TIAM1: variants seen among roughly 807,000 people sequenced by gnomAD.
TIAM1 encodes TIAM Rac1 associated GEF 1.
A neutral mutation model predicts 163.5 loss-of-function variants in TIAM1; 65 were observed. The observed-to-expected ratio is 0.40, with a 90% CI of 0.33 to 0.49. TIAM1 has a LOEUF of 0.49. Among genes scored for constraint, TIAM1 ranks in the 20% least tolerant of loss-of-function variants. The pLI, the probability that TIAM1 is intolerant of heterozygous loss-of-function variation, is 0.77. For missense variants in TIAM1, 1,789 were observed against 2,044.7 expected (o/e 0.87, Z 2.41); for synonymous variants, 833 against 810.1 (o/e 1.03, Z -0.48).
At chr21:31,425,250 A>C (rs982680296) in intron 2 of TIAM1, among the ~76,000 whole-genome samples, 1 of 152,130 alleles carries the variant, frequency 6.6e-6, no homozygotes, top group African/African-American at 2.4e-5. Context: ...CTGCTTGCTC[A>C]GACTTCACAA....
intron 2 of TIAM1, chr21:31,452,918 TG>T: frequency 1.9e-6 from 1 of 514,568 alleles, no homozygotes. Flanking sequence ...GCCTAGATAT[TG>T]GGAGAAACAA....
In TIAM1 at chr21:31,274,544, G is replaced by A. The variant is rs569457025; in HGVS notation, c.-12+2188C>T. 5.3e-5 allele frequency among the ~76,000 whole-genome samples: 8 copies of A among 152,218 alleles called. No homozygotes were observed. The South Asian group carries it at 6.2e-4, about 12-fold the overall frequency. ...GTCTAATGCCCTCAATTACACCAGC[G>A]GTTCCAGTGGTGCTCCTAGCAGACA... On this transcript the variant is annotated intron_variant, in intron 3 of 27. Coordinates refer to ENST00000541036, the MANE Select transcript of TIAM1 (RefSeq NM_001353694.2).
At chr21:31,134,753 C>T (rs374655308) in intron 23 of TIAM1, among the ~76,000 whole-genome samples, 1 of 152,132 alleles carries the variant, frequency 6.6e-6, no homozygotes, top group African/African-American at 2.4e-5. Flanking sequence ...TCAAGTGATC[C>T]GTCCACCTTG....
At chr21:31,493,839 CAGTGGGTAGAGCGT>C (rs1490672067) in intron 1 of TIAM1, among the ~76,000 whole-genome samples, 3 of 152,128 alleles carry the variant, frequency 2.0e-5, no homozygotes, top group Non-Finnish European at 4.4e-5. Flanking sequence ...GCTGGCAGCA[CAGTGGGTAGAGCGT>C]AGACAGCTCC....
At chr21:31,522,171 G>A (rs562807462) in intron 1 of TIAM1, among the ~76,000 whole-genome samples, 45 of 151,378 alleles carry the variant, frequency 3.0e-4, no homozygotes, top group Non-Finnish European at 5.7e-4. Flanking sequence ...ACGCCCGGCC[G>A]GCTCTTAATA....
In TIAM1 at chr21:31,155,597, C is replaced by T. The variant is rs550039815; in HGVS notation, c.2992-1171G>A. Among the ~76,000 whole-genome samples the T allele has an allele frequency of 2.2e-4, 33 of 152,222 alleles. No individual in the cohort carries two copies. The East Asian group carries it at 2.9e-3, about 13-fold the overall frequency. On this transcript the variant is annotated intron_variant, in intron 16 of 27. Transcript: ENST00000541036. ...TCAGCTCACAGCAAGCTCCACCTTC[C>T]GGGTTCACGCCATTCTCCTGCCTCA...
At chr21:31,320,444 T>G (rs2075274246) in intron 2 of TIAM1, among the ~76,000 whole-genome samples, 1 of 152,168 alleles carries the variant, frequency 6.6e-6, no homozygotes, top group South Asian at 2.1e-4. Context: ...ATTATAGATA[T>G]TTTATCAAAT....
chr21:31,458,496 A>G (rs925890759), intron 2 of TIAM1, among the ~76,000 whole-genome samples: 2 of 152,296 alleles, frequency 1.3e-5, no homozygotes, highest in Non-Finnish European at 2.9e-5. Flanking sequence ...ATCACAATAT[A>G]TATTTCTAAG....
chr21:31,433,584 T>C (rs2044113712), intron 2 of TIAM1, among the ~76,000 whole-genome samples: 1 of 152,158 alleles, frequency 6.6e-6, no homozygotes, highest in South Asian at 2.1e-4. Flanking sequence ...TCTCAGAATA[T>C]AAGAAGAAAA....
At chr21:31,488,325 G>A (rs2046345106) in intron 1 of TIAM1, among the ~76,000 whole-genome samples, 1 of 152,192 alleles carries the variant, frequency 6.6e-6, no homozygotes, top group Non-Finnish European at 1.5e-5. Flanking sequence ...TAGAAGAGCT[G>A]GGATTTGAAT....
chr21:31,513,594 A>T (rs981020832), intron 1 of TIAM1, among the ~76,000 whole-genome samples: 5 of 152,226 alleles, frequency 3.3e-5, no homozygotes, highest in African/African-American at 1.2e-4. Flanking sequence ...GCTCCTTAGA[A>T]ACCAGAATAT....
intron 1 of TIAM1, among the ~76,000 whole-genome samples, chr21:31,529,536 A>G (rs758740626): frequency 6.6e-6 from 1 of 152,288 alleles, no homozygotes; most frequent in East Asian, 1.9e-4. Flanking sequence ...TATCTCTTCA[A>G]TGTATCTTCT....
At chr21:31,507,901 A>T (rs2047084653) in intron 1 of TIAM1, among the ~76,000 whole-genome samples, 1 of 152,236 alleles carries the variant, frequency 6.6e-6, no homozygotes, top group African/African-American at 2.4e-5. Context: ...CCTACCTCCC[A>T]GAACCTGTGA....
chr21:31,343,783 C>T (rs547126094), intron 1 of TIAM1, among the ~76,000 whole-genome samples: 9 of 152,282 alleles, frequency 5.9e-5, no homozygotes, highest in African/African-American at 2.2e-4. Context: ...GACGTGATCC[C>T]GCAGTCTCCT....
chr21:31,174,220 T>C (rs1407238521), intron 15 of TIAM1, among the ~76,000 whole-genome samples: 3 of 152,128 alleles, frequency 2.0e-5, no homozygotes, highest in Non-Finnish European at 2.9e-5. Context: ...CAGACCAAAA[T>C]AGAACCTCAC....
At chr21:31,367,050 C>T (rs553775043) in intron 2 of TIAM1, among the ~76,000 whole-genome samples, 3 of 150,636 alleles carry the variant, frequency 2.0e-5, no homozygotes, top group African/African-American at 7.3e-5. Flanking sequence ...GGATGGGTCC[C>T]AGAAAATAGC....
Position 31,251,752 on chromosome 21 carries a change from C to T in TIAM1, c.1401G>A (p.Val467=), listed in dbSNP as rs772138009. ...CCCTCCCGCTCTCACCTTTCAGGGA[C>T]ACCCAGTAGTGCTTCCACTTCCTCC... The part of the protein sequence containing the change: ...ATRRKWKHYW[V]SLKGCTLFFY... Residue 467 remains valine (V), a synonymous_variant, in exon 5 of 28, where the codon GTG becomes GTA. Transcript: ENST00000541036. 6.3e-7 allele frequency: 1 copy of T among 1,589,524 alleles called. No individual in the cohort carries two copies. Among genetic ancestry groups the T allele is most frequent in the Non-Finnish European group, 8.6e-7 (1 of 1,164,726 alleles).
intron 2 of TIAM1, among the ~76,000 whole-genome samples, chr21:31,301,026 A>C (rs888185752): frequency 6.6e-6 from 1 of 152,240 alleles, no homozygotes; most frequent in African/African-American, 2.4e-5. Flanking sequence ...GTTATGTATG[A>C]AAGTAACAGT....
At chr21:31,443,233 T>C (rs2044500270) in intron 2 of TIAM1, among the ~76,000 whole-genome samples, 1 of 152,176 alleles carries the variant, frequency 6.6e-6, no homozygotes, top group Non-Finnish European at 1.5e-5. Context: ...TTTTGGTCAT[T>C]GGGAATAATT....
Sources: gnomAD v4.1 joint callset for allele counts (sites outside exome capture counted in the v4.1 genomes callset) on GRCh38, gnomAD v4.1.1 for gene constraint, MANE v1.5 for transcripts, NCBI Gene and HGNC (gene_info 2026-07-23, HGNC 2026-07-21) for gene names.